Variants in SHROOM3 observed in about 807,000 individuals in gnomAD.
SHROOM3 encodes shroom family member 3, also known as protein Shroom3.
A neutral mutation model predicts 138.6 loss-of-function variants in SHROOM3; 47 were observed. The ratio of observed to expected loss-of-function variants is 0.34; its 90% confidence interval spans 0.27 to 0.43. The LOEUF is 0.43. SHROOM3 is among the 20% of genes least tolerant of loss of function. The pLI, the probability that SHROOM3 is intolerant of heterozygous loss-of-function variation, is 1.00. For synonymous variants in SHROOM3, 1,062 were observed against 1,063.3 expected, an observed-to-expected ratio of 1.00 and a Z score of 0.02; for missense variants, 2,491 against 2,596.5, an observed-to-expected ratio of 0.96 and a Z score of 0.88.
chr4:76,711,710 C>G (rs1372832958), intron 3 of SHROOM3, among the ~76,000 whole-genome samples: 1 of 151,700 alleles, frequency 6.6e-6, no homozygotes, highest in African/African-American at 2.4e-5. Flanking sequence ...TGGATTTATG[C>G]AAATCCATAT....
At chr4:76,736,372 G>A (rs746024591) in intron 4 of SHROOM3, among the ~76,000 whole-genome samples, 13 of 152,176 alleles carry the variant, frequency 8.5e-5, no homozygotes, top group Non-Finnish European at 1.8e-4. Flanking sequence ...GCGCCATTCA[G>A]TCAACTGACT....
At chr4:76,738,555 G>A (rs1374227559) in intron 4 of SHROOM3, among the ~76,000 whole-genome samples, 2 of 152,208 alleles carry the variant, frequency 1.3e-5, no homozygotes, top group Non-Finnish European at 2.9e-5. Flanking sequence ...TGATTAATTA[G>A]AGGCAGATAG....
At chr4:76,768,489 T>A (rs1278180425) in intron 9 of SHROOM3, among the ~76,000 whole-genome samples, 1 of 152,114 alleles carries the variant, frequency 6.6e-6, no homozygotes, top group East Asian at 1.9e-4. Context: ...AAACCAAAGA[T>A]TATAACCTGT....
intron 2 of SHROOM3, among the ~76,000 whole-genome samples, chr4:76,622,370 A>C (rs994938495): frequency 6.6e-6 from 1 of 151,944 alleles, no homozygotes; most frequent in Non-Finnish European, 1.5e-5. Flanking sequence ...CTTGAATGTC[A>C]ATAAAATGGC....
chr4:76,544,655 C>T (rs1422880364), intron 1 of SHROOM3, among the ~76,000 whole-genome samples: 1 of 152,062 alleles, frequency 6.6e-6, no homozygotes, highest in South Asian at 2.1e-4. Flanking sequence ...CCTCAGCCTC[C>T]CAAAGTGCTG....
intron 1 of SHROOM3, among the ~76,000 whole-genome samples, chr4:76,472,986 G>C (rs10002170): frequency 0.63 from 95,567 of 152,072 alleles, 30,185 homozygotes; most frequent in Admixed American, 0.69. Context: ...AGCCACCACG[G>C]CCGGCCAGGA....
At chr4:76,774,635 A>G (rs1051567044) in intron 10 of SHROOM3, among the ~76,000 whole-genome samples, 5 of 151,350 alleles carry the variant, frequency 3.3e-5, no homozygotes, top group South Asian at 2.1e-4. Flanking sequence ...AAAATTCTCA[A>G]TTTTTTAACT....
chr4:76,681,231 T>C (rs930876615), intron 2 of SHROOM3, among the ~76,000 whole-genome samples: 2 of 152,188 alleles, frequency 1.3e-5, no homozygotes, highest in African/African-American at 2.4e-5. Context: ...AGCAAGTTCA[T>C]GCACATCCTT....
chr4:76,490,564 C>A (rs1731828513), intron 1 of SHROOM3, among the ~76,000 whole-genome samples: 1 of 152,014 alleles, frequency 6.6e-6, no homozygotes, highest in Admixed American at 6.5e-5. Flanking sequence ...TGCTTCTGGT[C>A]CTTTTATTAC....
chr4:76,443,804 A>G (rs894753058), intron 1 of SHROOM3, among the ~76,000 whole-genome samples: 7 of 152,238 alleles, frequency 4.6e-5, no homozygotes, highest in African/African-American at 1.4e-4. Context: ...ACCGATGTAC[A>G]GAACACTCTG....
At chr4:76,744,765 G>C (rs1721377385) in intron 5 of SHROOM3, among the ~76,000 whole-genome samples, 1 of 152,220 alleles carries the variant, frequency 6.6e-6, no homozygotes, top group South Asian at 2.1e-4. Context: ...TGCTGGCTTA[G>C]TTGATGCTAT....
intron 2 of SHROOM3, among the ~76,000 whole-genome samples, chr4:76,557,236 C>CACAT (rs1434178877): frequency 6.6e-6 from 1 of 150,894 alleles, no homozygotes; most frequent in Admixed American, 6.6e-5. Context: ...TACACACACA[C>CACAT]ACACACACAC....
At chr4:76,492,948 C>A (rs950843427) in intron 1 of SHROOM3, among the ~76,000 whole-genome samples, 1 of 152,056 alleles carries the variant, frequency 6.6e-6, no homozygotes, top group Non-Finnish European at 1.5e-5. Context: ...CAGTTGGGCA[C>A]GGTGGCTCAC....
intron 3 of SHROOM3, among the ~76,000 whole-genome samples, chr4:76,727,102 A>G (rs1720729234): frequency 6.6e-6 from 1 of 152,178 alleles, no homozygotes; most frequent in Non-Finnish European, 1.5e-5. Context: ...TTCACTAAGT[A>G]GTGGGAATGA....
At chr4:76,456,957 G>C (rs904639205) in intron 1 of SHROOM3, among the ~76,000 whole-genome samples, 1 of 152,134 alleles carries the variant, frequency 6.6e-6, no homozygotes, top group Non-Finnish European at 1.5e-5. Context: ...TAAGGGTGGC[G>C]GAGATTACAA....
chr4:76,756,478 C>G lies in SHROOM3; in HGVS notation c.4739C>G (p.Ala1580Gly). 1.9e-6 allele frequency: 3 copies of G among 1,611,416 alleles called. No homozygotes were observed. Among genetic ancestry groups the G allele is most frequent in the East Asian group, 2.2e-5 (1 of 44,760 alleles). ...SFNKLSKVTI[A>G]RERHMPGAAH... is the part of the protein sequence containing the mutation. ...AACAAACTTTCTAAAGTGACAATTG[C>G]AAGGGAAAGGCACATGCCTGGTGCA... is the stretch of plus-strand genomic sequence containing the variant. Residue 1580 changes from alanine to glycine, a missense_variant, in exon 8 of 11, where the codon GCA (alanine) becomes GGA (glycine). Ala to Gly is a moderately conservative substitution (Grantham distance 60). Transcript: ENST00000296043.
chr4:76,654,593 A>G (rs1437366898), intron 2 of SHROOM3, among the ~76,000 whole-genome samples: 1 of 152,162 alleles, frequency 6.6e-6, no homozygotes, highest in East Asian at 1.9e-4. Flanking sequence ...CAGGGAGACA[A>G]TTTAGATTTG....
intron 2 of SHROOM3, among the ~76,000 whole-genome samples, chr4:76,623,884 T>C (rs997388561): frequency 6.6e-6 from 1 of 152,220 alleles, no homozygotes; most frequent in African/African-American, 2.4e-5. Flanking sequence ...TGCATACTCA[T>C]ACGCCATAAC....
intron 5 of SHROOM3, 166 bp downstream of exon 5, chr4:76,742,092 C>T (rs1372135331): frequency 2.2e-6 from 2 of 890,948 alleles, no homozygotes; most frequent in Non-Finnish European, 3.6e-6. Flanking sequence ...TCAAGTGTCC[C>T]TTACCTGGTT....
Sources: gnomAD v4.1 joint callset for allele counts (sites outside exome capture counted in the v4.1 genomes callset) on GRCh38, gnomAD v4.1.1 for gene constraint, MANE v1.5 for transcripts, NCBI Gene and HGNC (gene_info 2026-07-23, HGNC 2026-07-21) for gene names.